WWOX: variants seen among roughly 807,000 people sequenced by gnomAD.
WWOX encodes WW domain containing oxidoreductase.
A neutral mutation model predicts 46.2 loss-of-function variants in WWOX; 69 were observed. The observed-to-expected ratio is 1.49, with a 90% confidence interval of 1.23 to 1.82. The LOEUF is 1.82. Ranked by LOEUF, WWOX falls within the 40% of genes most tolerant of loss-of-function variation. The probability of loss-of-function intolerance (pLI) is 0.00; values close to 1 mark genes in which losing one functional copy is unlikely to be tolerated. For synonymous variants in WWOX, 359 were observed against 202.6 expected (o/e 1.77, Z -6.56); for missense variants, 919 against 542.6 (o/e 1.69, Z -6.89).
chr16:78,603,687 C>T (rs78995431), intron 8 of WWOX, among the ~76,000 whole-genome samples: 2,088 of 152,094 alleles, frequency 0.014, 47 homozygotes, highest in African/African-American at 0.046. Context: ...GAGTGAGACA[C>T]TCTCAAAATA....
intron 8 of WWOX, among the ~76,000 whole-genome samples, chr16:78,438,379 GT>G (rs2083377677): frequency 6.6e-6 from 1 of 152,012 alleles, no homozygotes; most frequent in Non-Finnish European, 1.5e-5. Context: ...TCCATATCTA[GT>G]TATGCAGTTA....
chr16:78,949,755 G>C (rs1438663700), intron 8 of WWOX, among the ~76,000 whole-genome samples: 5 of 152,126 alleles, frequency 3.3e-5, no homozygotes, highest in African/African-American at 1.2e-4. Context: ...ACAAGTAAAA[G>C]GTTTTCCTCT....
At chr16:78,501,934 C>G (rs753783568) in intron 8 of WWOX, among the ~76,000 whole-genome samples, 3 of 152,238 alleles carry the variant, frequency 2.0e-5, no homozygotes, top group Non-Finnish European at 4.4e-5. Flanking sequence ...CCCACCTGCC[C>G]ATCGTCAGAT....
At chr16:78,927,394 C>A (rs900259440) in intron 8 of WWOX, among the ~76,000 whole-genome samples, 2 of 152,138 alleles carry the variant, frequency 1.3e-5, no homozygotes, top group African/African-American at 4.8e-5. Context: ...CCATCAATAA[C>A]TGTTCTTATG....
intron 8 of WWOX, among the ~76,000 whole-genome samples, chr16:79,189,792 C>T (rs978716741): frequency 7.3e-5 from 11 of 151,270 alleles, no homozygotes; most frequent in African/African-American, 1.2e-4. Context: ...TACCTGCTCC[C>T]GGTGGGAGGG....
chr16:79,056,655 A>G (rs757155122), intron 8 of WWOX, among the ~76,000 whole-genome samples: 2 of 152,166 alleles, frequency 1.3e-5, no homozygotes, highest in Non-Finnish European at 1.5e-5. Context: ...CTTGTCACAA[A>G]CACAAATGTC....
intron 8 of WWOX, among the ~76,000 whole-genome samples, chr16:78,908,940 C>G (rs1005461524): frequency 2.0e-5 from 3 of 152,200 alleles, no homozygotes; most frequent in South Asian, 2.1e-4. Context: ...CTCCTAAACC[C>G]TAATTTCTAA....
intron 8 of WWOX, among the ~76,000 whole-genome samples, chr16:79,005,127 T>A (rs934043465): frequency 6.6e-6 from 1 of 152,160 alleles, no homozygotes; most frequent in Non-Finnish European, 1.5e-5. Context: ...TGAGTCTCCA[T>A]GTGGCTTTCT....
intron 8 of WWOX, among the ~76,000 whole-genome samples, chr16:79,066,809 C>A (rs532971026): frequency 2.0e-5 from 3 of 152,212 alleles, no homozygotes; most frequent in Admixed American, 1.3e-4. Flanking sequence ...AGGTACCATA[C>A]AAATGTGGCT....
At chr16:78,329,596 T>A (rs2080710375) in intron 5 of WWOX, among the ~76,000 whole-genome samples, 1 of 152,216 alleles carries the variant, frequency 6.6e-6, no homozygotes, top group Admixed American at 6.5e-5. Context: ...ATGTCCCCAG[T>A]GCAACCTATG....
intron 8 of WWOX, among the ~76,000 whole-genome samples, chr16:79,110,190 C>G (rs2049390424): frequency 6.6e-6 from 1 of 152,152 alleles, no homozygotes; most frequent in South Asian, 2.1e-4. Flanking sequence ...GAACATCTGT[C>G]AGAAAACTTT....
At chr16:78,888,181 C>T (rs2044508253) in intron 8 of WWOX, among the ~76,000 whole-genome samples, 1 of 152,176 alleles carries the variant, frequency 6.6e-6, no homozygotes, top group Admixed American at 6.5e-5. Context: ...CTTAAAGATG[C>T]TGATTCCTGC....
At chr16:79,172,576 T>C (rs538313206) in intron 8 of WWOX, among the ~76,000 whole-genome samples, 3 of 152,314 alleles carry the variant, frequency 2.0e-5, no homozygotes, top group East Asian at 3.9e-4. Flanking sequence ...GGAAAGAACC[T>C]GTGGAGCCTC....
chr16:78,488,100 G>A (rs2738701), intron 8 of WWOX, among the ~76,000 whole-genome samples: 25,256 of 152,134 alleles, frequency 0.17, 3,262 homozygotes, highest in African/African-American at 0.37. Context: ...GAGCAGGGAG[G>A]GATCTCACAG....
chr16:78,660,160 G>A (rs997751373), intron 8 of WWOX, among the ~76,000 whole-genome samples: 2 of 152,126 alleles, frequency 1.3e-5, no homozygotes, highest in East Asian at 3.8e-4. Context: ...TACTATTGTG[G>A]ACTGTGCTGC....
At chr16:78,289,578 G>C (rs1247853827) in intron 5 of WWOX, among the ~76,000 whole-genome samples, 2 of 152,006 alleles carry the variant, frequency 1.3e-5, no homozygotes, top group East Asian at 3.9e-4. Flanking sequence ...GCTGTGACCA[G>C]TAACAGGGGA....
chr16:79,032,672 A>G lies in WWOX; in HGVS notation c.1057-178936A>G, dbSNP rs1049449069. On this transcript the variant is annotated intron_variant, in intron 8 of 8. Coordinates refer to ENST00000566780, the MANE Select transcript of WWOX (RefSeq NM_016373.4). ...GTGTATATTATTTACATATGTATAT[A>G]TATATATATACACACACACACACAC... Among the ~76,000 whole-genome samples the G allele has an allele frequency of 5.3e-5, 8 of 150,032 alleles. No homozygotes were observed. The East Asian group carries it at 9.7e-4, about 18-fold the overall frequency.
intron 8 of WWOX, among the ~76,000 whole-genome samples, chr16:79,096,483 C>G (rs1425964727): frequency 6.6e-6 from 1 of 152,126 alleles, no homozygotes; most frequent in African/African-American, 2.4e-5. Flanking sequence ...TCCTGGTTAT[C>G]CCACTCAGAG....
intron 8 of WWOX, among the ~76,000 whole-genome samples, chr16:78,779,026 G>T (rs561855117): frequency 6.6e-6 from 1 of 152,280 alleles, no homozygotes; most frequent in South Asian, 2.1e-4. Context: ...TAAAACCAAT[G>T]AGCTTAATCT....
Sources: gnomAD v4.1 joint callset for allele counts (sites outside exome capture counted in the v4.1 genomes callset) on GRCh38, gnomAD v4.1.1 for gene constraint, MANE v1.5 for transcripts, NCBI Gene and HGNC (gene_info 2026-07-23, HGNC 2026-07-21) for gene names.